The following SCN9A variants were observed in gnomAD, a reference collection of about 807,000 sequenced individuals.
SCN9A encodes sodium channel protein type 9 subunit alpha.
SCN9A carries 131 observed loss-of-function variants against 187.0 expected under a neutral mutation model. That is an observed-to-expected ratio of 0.70 (90% CI 0.61 to 0.81). SCN9A has a LOEUF of 0.81. SCN9A is among the 30% of genes least tolerant of loss of function. SCN9A has a pLI of 0.00. For synonymous variants in SCN9A, 809 were observed against 808.6 expected (o/e 1.00, Z -0.01); for missense variants, 2,252 against 2,396.6 (o/e 0.94, Z 1.26).
intron 17 of SCN9A, 22 bp downstream of exon 17, chr2:166,272,376 CA>C (rs1378789983): frequency 7.4e-7 from 1 of 1,360,380 alleles, no homozygotes; most frequent in African/African-American, 1.5e-5. Flanking sequence ...ATATGAAACA[CA>C]AAGTATATGA....
intron 8 of SCN9A, among the ~76,000 whole-genome samples, chr2:166,293,766 G>A (rs569753427): frequency 7.9e-5 from 12 of 152,284 alleles, no homozygotes; most frequent in Middle Eastern, 3.4e-3. Context: ...ATATTGATAT[G>A]TAGGCTGTTA....
intron 22 of SCN9A, among the ~76,000 whole-genome samples, chr2:166,228,091 A>C (rs2106385798): frequency 6.6e-6 from 1 of 152,202 alleles, no homozygotes; most frequent in East Asian, 1.9e-4. Flanking sequence ...AGTGTGAAGC[A>C]GGAAGTTCAA....
chr2:166,303,002 T>G (rs1016593744), intron 7 of SCN9A, 88 bp downstream of exon 7: 9 of 1,058,300 alleles, frequency 8.5e-6, no homozygotes, highest in African/African-American at 4.8e-5. Context: ...TTTGAAATGA[T>G]TAAAATGAAA....
Position 166,199,195 on chromosome 2 carries a change from A to G in SCN9A, c.5444T>C (p.Ile1815Thr), listed in dbSNP as rs1421578407. ...FAAALDPPLL[I>T]AKPNKVQLIA... ...GAGCTGGACTTTGTTGGGTTTTGCTATGAGAAGAGGAGGATCCAGGGCAGC... is the reference window on the plus strand; with the variant it reads ...GAGCTGGACTTTGTTGGGTTTTGCTGTGAGAAGAGGAGGATCCAGGGCAGC... Residue 1815 changes from isoleucine (I) to threonine (T), a missense_variant, in exon 27 of 27, where the codon ATA becomes ACA. Ile to Thr is a moderately conservative substitution (Grantham distance 89, BLOSUM62 -1). Coordinates refer to ENST00000642356, the MANE Select transcript of SCN9A (RefSeq NM_001365536.1). 5 of 1,614,210 alleles carry G rather than the reference A, an allele frequency of 3.1e-6. No homozygotes were observed. The highest frequency in any genetic ancestry group is 4.2e-6 in the Non-Finnish European group (5 of 1,180,038).
intron 18 of SCN9A, among the ~76,000 whole-genome samples, chr2:166,244,273 C>T (rs1460066700): frequency 6.6e-6 from 1 of 151,944 alleles, no homozygotes; most frequent in Non-Finnish European, 1.5e-5. Context: ...TTTGAGGTCA[C>T]ACAAAAAGAG....
Position 166,235,429 on chromosome 2 carries a change from C to T in SCN9A, c.3802-1967G>A, listed in dbSNP as rs150867204. Among the ~76,000 whole-genome samples, 307 of 152,176 alleles carry T rather than the reference C, an allele frequency of 2.0e-3. 1 individual carries two copies. Among genetic ancestry groups the T allele is most frequent in the African/African-American group, 7.1e-3 (294 of 41,482 alleles). ...AAATAACCCAGAAGCCTGCAGAAAT[C>T]AGACAAGTCCATTCTCTGAGTAGCA... is the stretch of plus-strand genomic sequence containing the variant. On this transcript the variant is annotated intron_variant, in intron 20 of 26. Transcript: ENST00000642356.
intron 20 of SCN9A, among the ~76,000 whole-genome samples, chr2:166,236,805 G>T (rs180680586): frequency 1.3e-5 from 2 of 152,148 alleles, no homozygotes; most frequent in African/African-American, 4.8e-5. Flanking sequence ...GTAACATTTT[G>T]CAGTCAGATT....
intron 17 of SCN9A, among the ~76,000 whole-genome samples, chr2:166,268,310 G>T (rs898265205): frequency 1.3e-5 from 2 of 151,990 alleles, no homozygotes; most frequent in East Asian, 3.9e-4. Context: ...TAGTGGCTAA[G>T]ACTTAATGAC....
intron 17 of SCN9A, chr2:166,259,280 T>C (rs1696406874): frequency 6.6e-6 from 1 of 151,696 alleles, no homozygotes; most frequent in South Asian, 2.1e-4. Context: ...TCCAGTTTGA[T>C]ATTACCCCTG....
intron 16 of SCN9A, 65 bp downstream of exon 16, chr2:166,276,918 A>G: frequency 8.2e-7 from 1 of 1,221,026 alleles, no homozygotes; most frequent in Non-Finnish European, 1.1e-6. Context: ...TAAAAATAAT[A>G]GATCACATCA....
At chr2:166,246,510 A>G (rs1261722386) in intron 18 of SCN9A, among the ~76,000 whole-genome samples, 1 of 152,078 alleles carries the variant, frequency 6.6e-6, no homozygotes, top group Admixed American at 6.6e-5. Context: ...AGGGTCAAAA[A>G]TTAACTCTAA....
chr2:166,329,834 T>A (rs921557924), intron 1 of SCN9A, among the ~76,000 whole-genome samples: 1 of 152,150 alleles, frequency 6.6e-6, no homozygotes, highest in Non-Finnish European at 1.5e-5. Flanking sequence ...GTCTGTACTA[T>A]GACAGGTATC....
chr2:166,315,643 T>G lies in SCN9A; in HGVS notation c.-50-3837A>C, dbSNP rs115522370. On this transcript the variant is annotated intron_variant, in intron 1 of 26. Transcript: ENST00000642356. ...CCTTTCATTTTACTAATTTTATAGC[T>G]TTGAAGAAGAGCAGCTTTAGTTGGC... 4.6e-3 allele frequency among the ~76,000 whole-genome samples: 706 copies of G among 152,346 alleles called. 7 individuals carry two copies. Among genetic ancestry groups the G allele is most frequent in the African/African-American group, 0.016 (669 of 41,586 alleles).
chr2:166,367,077 A>G (rs777478358), intron 1 of SCN9A, among the ~76,000 whole-genome samples: 3 of 152,164 alleles, frequency 2.0e-5, no homozygotes, highest in African/African-American at 7.2e-5. Context: ...GTACTCCTCC[A>G]ATATAGAATA....
chr2:166,233,793 G>T (rs184236314), intron 20 of SCN9A, among the ~76,000 whole-genome samples: 2 of 152,144 alleles, frequency 1.3e-5, no homozygotes, highest in African/African-American at 4.8e-5. Flanking sequence ...TAGAACAATG[G>T]TGAACATTTT....
intron 1 of SCN9A, among the ~76,000 whole-genome samples, chr2:166,363,023 A>G (rs1258633671): frequency 6.6e-6 from 1 of 151,968 alleles, no homozygotes. Flanking sequence ...GGTATTGCCT[A>G]GGGGACTTAA....
chr2:166,344,473 C>T (rs1239219973), intron 1 of SCN9A, among the ~76,000 whole-genome samples: 1 of 152,090 alleles, frequency 6.6e-6, no homozygotes, highest in Admixed American at 6.6e-5. Context: ...TTTGTACATT[C>T]GCTTAGAAAA....
intron 17 of SCN9A, among the ~76,000 whole-genome samples, chr2:166,258,336 C>T (rs1045931841): frequency 1.3e-4 from 19 of 151,344 alleles, no homozygotes; most frequent in Non-Finnish European, 2.8e-4. Context: ...TTATAATATG[C>T]TCTATCTAAA....
At chr2:166,346,303 T>G (rs182806094) in intron 1 of SCN9A, among the ~76,000 whole-genome samples, 45 of 152,318 alleles carry the variant, frequency 3.0e-4, no homozygotes, top group African/African-American at 1.0e-3. Context: ...ATAGCAAAGA[T>G]CATAGTATTA....
Sources: allele counts gnomAD v4.1 joint callset (sites outside exome capture counted in the v4.1 genomes callset), GRCh38; gene constraint gnomAD v4.1.1; transcripts MANE v1.5; gene names NCBI Gene and HGNC (gene_info 2026-07-23, HGNC 2026-07-21).